Variants in ACSM5 observed in about 807,000 individuals in gnomAD.
ACSM5 encodes acyl-CoA synthetase medium chain family member 5.
ACSM5 carries 56 observed loss-of-function variants against 71.6 expected under a neutral mutation model. The ratio of observed to expected loss-of-function variants is 0.78; its 90% CI spans 0.63 to 0.98. ACSM5 has a LOEUF of 0.98. Ranked by LOEUF, ACSM5 falls within the 50% of genes least tolerant of loss-of-function variation. ACSM5 has a pLI of 0.00. For missense variants in ACSM5, 723 were observed against 726.0 expected (o/e 1.00, Z 0.05); for synonymous variants, 285 against 281.5 (o/e 1.01, Z -0.12).
chr16:20,427,801 T>A lies in ACSM5; in HGVS notation c.935T>A (p.Phe312Tyr). The A allele has an allele frequency of 6.2e-7, 1 of 1,613,682 alleles. No homozygotes were observed. Among genetic ancestry groups the A allele is most frequent in the Non-Finnish European group, 8.5e-7 (1 of 1,179,598 alleles). The change falls in exon 7 of 14, where the codon TTC (phenylalanine) becomes TAC (tyrosine). Residue 312 changes from phenylalanine (F) to tyrosine (Y), a missense_variant. Transcript: ENST00000331849. ...AKVILNTLSK[F>Y]PITTLCCVPT... ...GTTTTTGTTTAGACTCTCTCCAAATTCCCGATAACCACCCTCTGCTGTGTC... is the reference window on the plus strand; with the variant it reads ...GTTTTTGTTTAGACTCTCTCCAAATACCCGATAACCACCCTCTGCTGTGTC...
At chr16:20,427,380 T>C (rs932772504) in intron 6 of ACSM5, among the ~76,000 whole-genome samples, 1 of 152,210 alleles carries the variant, frequency 6.6e-6, no homozygotes, top group African/African-American at 2.4e-5. Context: ...TGTTTGCTAG[T>C]CTCCAGTTTC....
chr16:20,421,656 TACACACACAC>T (rs60844372), intron 5 of ACSM5, among the ~76,000 whole-genome samples: 1 of 106,072 alleles, frequency 9.4e-6, no homozygotes, highest in Admixed American at 9.6e-5. Context: ...TATATATATA[TACACACACAC>T]ATATATATAC....
chr16:20,423,356 T>G (rs1278436985), intron 5 of ACSM5, among the ~76,000 whole-genome samples: 2 of 152,250 alleles, frequency 1.3e-5, no homozygotes. Flanking sequence ...ATGCTCCTGC[T>G]TCTCTGCCTC....
intron 2 of ACSM5, 200 bp downstream of exon 2, chr16:20,411,888 C>T: frequency 1.7e-6 from 1 of 597,980 alleles, no homozygotes; most frequent in Non-Finnish European, 3.0e-6. Context: ...CATGCTTGTT[C>T]CTTCTCTGAA....
intron 8 of ACSM5, among the ~76,000 whole-genome samples, chr16:20,430,766 GGAAA>G (rs71702688): frequency 0.01 from 1,479 of 147,534 alleles, 18 homozygotes; most frequent in African/African-American, 0.035. Flanking sequence ...GGGAAAGAAA[GGAAA>G]GAAAGAGGAA....
Position 20,419,590 on chromosome 16 carries a change from C to T in ACSM5, c.623+155C>T, listed in dbSNP as rs1216819726. 10 of 697,150 alleles carry T rather than the reference C, an allele frequency of 1.4e-5. No individual in the cohort carries two copies. In the East Asian group the frequency reaches 2.7e-4, roughly 19 times the overall value. 43.2% of individuals were successfully genotyped at this position (697,150 alleles called of 1,614,324 possible). On this transcript the variant is annotated intron_variant, in intron 4 of 13. Transcript: ENST00000331849. ...GCTGACCTGAGCATAATCCTGGTCCCTACCTTAATGTTCAAGGTCCCTCAT... is the reference window on the plus strand; with the variant it reads ...GCTGACCTGAGCATAATCCTGGTCCTTACCTTAATGTTCAAGGTCCCTCAT...
rs1363288612 is a variant in ACSM5, at chr16:20,441,083, G to A, written c.*656G>A. The A allele has an allele frequency of 1.3e-5, 2 of 152,164 alleles. No individual in the cohort carries two copies. The highest frequency in any genetic ancestry group is 4.8e-5 in the African/African-American group (2 of 41,438). 9.4% of individuals were successfully genotyped at this position (152,164 alleles called of 1,614,324 possible). A position where few individuals can be genotyped will look rare whatever the true frequency, so the allele number is the denominator to read the frequency against. ...AAAATATTTGAGAGCAGTTTAGTAT[G>A]TCTTGGGAAAAGTGTAAGCTATATT... On this transcript the variant is annotated 3_prime_UTR_variant, in exon 14 of 14. Coordinates refer to ENST00000331849, the MANE Select transcript of ACSM5 (RefSeq NM_017888.3).
intron 8 of ACSM5, among the ~76,000 whole-genome samples, chr16:20,430,085 G>T (rs1240016552): frequency 1.3e-5 from 2 of 151,820 alleles, no homozygotes; most frequent in African/African-American, 4.8e-5. Context: ...AAAAAACTAC[G>T]TATTGGGTAT....
intron 10 of ACSM5, among the ~76,000 whole-genome samples, chr16:20,434,612 T>C (rs565720413): frequency 6.6e-6 from 1 of 152,316 alleles, no homozygotes; most frequent in South Asian, 2.1e-4. Context: ...GAGAATTGCT[T>C]GAACCCGGGA....
chr16:20,419,185 C>T, intron 3 of ACSM5, 43 bp from the exon 4 acceptor site: 1 of 1,604,050 alleles, frequency 6.2e-7, no homozygotes, highest in Non-Finnish European at 8.5e-7. Context: ...TACCCAAGGC[C>T]TTCCCCGCTA....
chr16:20,432,141 C>T (rs1451569278), intron 10 of ACSM5, among the ~76,000 whole-genome samples: 1 of 152,032 alleles, frequency 6.6e-6, no homozygotes, highest in Non-Finnish European at 1.5e-5. Flanking sequence ...TTATGTCGGG[C>T]TTTCTTTTCT....
At chr16:20,426,761 T>G (rs1035511514) in intron 6 of ACSM5, among the ~76,000 whole-genome samples, 14 of 151,984 alleles carry the variant, frequency 9.2e-5, no homozygotes, top group African/African-American at 3.4e-4. Context: ...GGGGAGAGAT[T>G]AATGGGAAAT....
At chr16:20,429,312 C>T (rs924933523) in intron 7 of ACSM5, among the ~76,000 whole-genome samples, 1 of 152,058 alleles carries the variant, frequency 6.6e-6, no homozygotes, top group Non-Finnish European at 1.5e-5. Flanking sequence ...GGTGCCTGGC[C>T]TATCTTTTCA....
At chr16:20,412,492 G>A (rs902068388) in intron 2 of ACSM5, among the ~76,000 whole-genome samples, 8 of 152,210 alleles carry the variant, frequency 5.3e-5, no homozygotes, top group African/African-American at 1.9e-4. Flanking sequence ...CTGTGCATCT[G>A]CTTTCTTCTT....
At chr16:20,431,641 G>A (rs1431747503) in intron 10 of ACSM5, among the ~76,000 whole-genome samples, 1 of 152,058 alleles carries the variant, frequency 6.6e-6, no homozygotes, top group South Asian at 2.1e-4. Flanking sequence ...GTACAGTAAA[G>A]GAAAGGAGCT....
chr16:20,437,135 C>T lies in ACSM5; in HGVS notation c.1392C>T (p.Tyr464=). 1 of 1,614,174 alleles carries T rather than the reference C, an allele frequency of 6.2e-7. No homozygotes were observed. Among genetic ancestry groups the T allele is most frequent in the East Asian group, 2.2e-5 (1 of 44,886 alleles). Residue 464 remains tyrosine (Y), a synonymous_variant, in exon 11 of 14, where the codon TAC becomes TAT. Coordinates refer to ENST00000331849, the MANE Select transcript of ACSM5 (RefSeq NM_017888.3). ...GAGCTCGCATGGACAAGGATGGCTA[C>T]TTTTGGTTCATGGGAAGAAACGACG... ...GDRARMDKDG[Y]FWFMGRNDDV... is the part of the protein sequence containing the mutation.
At chr16:20,412,041 T>C in intron 2 of ACSM5, 1 of 291,156 alleles carries the variant, frequency 3.4e-6, no homozygotes, top group South Asian at 3.5e-5. Flanking sequence ...TGTCACGCCC[T>C]TCTCTTCTAA....
At position 20,419,333 on chromosome 16, in the gene ACSM5, CAAGGG is replaced by C; in HGVS notation, c.522_526del (p.Arg175GlyfsTer89). On this transcript the variant is annotated frameshift_variant, in exon 4 of 14. Coordinates refer to ENST00000331849, the MANE Select transcript of ACSM5 (RefSeq NM_017888.3). LOFTEE classifies it high-confidence loss of function. ...ATTATCACCAGTGACTCCCTAGCTC[CAAGGG>C]TGGATGCCATCAGTGCCGAATGCCC... 1 of 1,614,176 alleles carries C rather than the reference CAAGGG, an allele frequency of 6.2e-7. No individual in the cohort carries two copies. The highest frequency in any genetic ancestry group is 8.5e-7 in the Non-Finnish European group (1 of 1,180,032).
intron 10 of ACSM5, among the ~76,000 whole-genome samples, chr16:20,432,571 G>A (rs1967119746): frequency 2.0e-5 from 3 of 152,034 alleles, no homozygotes; most frequent in African/African-American, 7.3e-5. Context: ...ATCAGTCTTG[G>A]AAGCAATAGT....
Sources: allele counts gnomAD v4.1 joint callset (sites outside exome capture counted in the v4.1 genomes callset), GRCh38; gene constraint gnomAD v4.1.1; transcripts MANE v1.5; gene names NCBI Gene and HGNC (gene_info 2026-07-23, HGNC 2026-07-21).